Variants in MTUS2 observed in about 807,000 individuals in gnomAD.
MTUS2 encodes microtubule associated scaffold protein 2, also known as microtubule-associated tumor suppressor candidate 2.
MTUS2 carries 40 observed loss-of-function variants against 114.1 expected under a neutral mutation model. That is an observed-to-expected ratio of 0.35 (90% CI 0.27 to 0.46). The LOEUF (loss-of-function observed/expected upper bound fraction) is 0.46, where lower values mean the gene tolerates loss of function less well. MTUS2 is among the 20% of genes least tolerant of loss of function. MTUS2 has a pLI of 1.00. For missense variants in MTUS2, 1,679 were observed against 1,705.4 expected (o/e 0.98, Z 0.27); for synonymous variants, 688 against 672.0 (o/e 1.02, Z -0.37).
At position 28,840,898 on chromosome 13, in the gene MTUS2, G is replaced by C. The variant is rs1875431182; in HGVS notation, c.-243+1048G>C. Among the ~76,000 whole-genome samples, 3 of 152,176 alleles carry C rather than the reference G, an allele frequency of 2.0e-5. No individual in the cohort carries two copies. The South Asian group carries it at 6.2e-4, about 31-fold the overall frequency. On this transcript the variant is annotated intron_variant, in intron 2 of 15. Transcript: ENST00000612955. ...AAAAGGGTAGCCTGAGCTTTTTAGG[G>C]CTAAAACTGGGAAAGAAACACCTAA...
chr13:28,956,061 C>A (rs911188220), intron 2 of MTUS2, among the ~76,000 whole-genome samples: 1 of 148,042 alleles, frequency 6.8e-6, no homozygotes, highest in Non-Finnish European at 1.5e-5. Context: ...CTTGCCCCCC[C>A]CCATCCTTTC....
At chr13:28,885,825 C>A (rs1420854792) in intron 2 of MTUS2, among the ~76,000 whole-genome samples, 1 of 152,164 alleles carries the variant, frequency 6.6e-6, no homozygotes, top group Non-Finnish European at 1.5e-5. Context: ...CAAAACAGAT[C>A]AAAATCAAGG....
chr13:29,363,782 G>C (rs1367035588), intron 8 of MTUS2, among the ~76,000 whole-genome samples: 1 of 152,118 alleles, frequency 6.6e-6, no homozygotes, highest in African/African-American at 2.4e-5. Flanking sequence ...ATATGGGGTG[G>C]GTAGGTAGGG....
At chr13:28,835,882 G>A (rs918871129) in intron 1 of MTUS2, among the ~76,000 whole-genome samples, 5 of 152,136 alleles carry the variant, frequency 3.3e-5, no homozygotes, top group African/African-American at 1.2e-4. Context: ...TATTCTGTGA[G>A]CTTTTCGTGT....
At chr13:29,428,702 A>G in intron 8 of MTUS2, 2 of 1,457,192 alleles carry the variant, frequency 1.4e-6, no homozygotes, top group Middle Eastern at 1.9e-4. Flanking sequence ...TTTAGGAGAA[A>G]TAAGGTAGCC....
At chr13:29,444,292 G>C (rs1878116032) in intron 9 of MTUS2, among the ~76,000 whole-genome samples, 2 of 152,184 alleles carry the variant, frequency 1.3e-5, no homozygotes, top group Admixed American at 6.5e-5. Context: ...AGCTAGGTGT[G>C]GTGGTGGGTG....
intron 8 of MTUS2, among the ~76,000 whole-genome samples, chr13:29,382,486 G>C (rs1748439760): frequency 6.6e-6 from 1 of 152,280 alleles, no homozygotes; most frequent in Non-Finnish European, 1.5e-5. Flanking sequence ...AGGGAGTAGA[G>C]AAAAGGTAGC....
intron 2 of MTUS2, among the ~76,000 whole-genome samples, chr13:28,870,822 C>T (rs2138099924): frequency 6.6e-6 from 1 of 152,262 alleles, no homozygotes; most frequent in South Asian, 2.1e-4. Context: ...CTTCCTCCTC[C>T]CCATGAATGA....
intron 8 of MTUS2, among the ~76,000 whole-genome samples, chr13:29,434,699 A>G (rs1877280602): frequency 6.6e-6 from 1 of 152,210 alleles, no homozygotes; most frequent in Non-Finnish European, 1.5e-5. Context: ...TTCACTTCCC[A>G]TTACCACCAG....
intron 6 of MTUS2, among the ~76,000 whole-genome samples, chr13:29,319,429 C>A (rs2139666194): frequency 6.6e-6 from 1 of 152,330 alleles, no homozygotes; most frequent in Non-Finnish European, 1.5e-5. Context: ...CACATGGGAA[C>A]AAAGATGATC....
chr13:29,034,269 G>C, intron 4 of MTUS2, 144 bp downstream of exon 4: 1 of 1,111,826 alleles, frequency 9.0e-7, no homozygotes, highest in East Asian at 2.5e-5. Flanking sequence ...TGTAGATGCA[G>C]ACATTTGTGA....
chr13:28,896,075 T>C (rs1295278319), intron 2 of MTUS2, among the ~76,000 whole-genome samples: 1 of 152,194 alleles, frequency 6.6e-6, no homozygotes, highest in East Asian at 1.9e-4. Context: ...CAGCATGTGA[T>C]TGATTATTGG....
At chr13:29,475,906 T>C (rs1262830786) in intron 9 of MTUS2, among the ~76,000 whole-genome samples, 1 of 152,214 alleles carries the variant, frequency 6.6e-6, no homozygotes, top group African/African-American at 2.4e-5. Flanking sequence ...ATGGTGTTTC[T>C]AAAGTCTATA....
chr13:29,444,520 G>T (rs1400549143), intron 9 of MTUS2, among the ~76,000 whole-genome samples: 1 of 152,260 alleles, frequency 6.6e-6, no homozygotes, highest in Non-Finnish European at 1.5e-5. Context: ...AGACTCACCT[G>T]CAGTGCTGCC....
At chr13:28,839,481 C>T (rs1234229538) in intron 1 of MTUS2, among the ~76,000 whole-genome samples, 1 of 152,092 alleles carries the variant, frequency 6.6e-6, no homozygotes, top group Non-Finnish European at 1.5e-5. Flanking sequence ...GTTTTCAGAT[C>T]ATTAACTACT....
chr13:29,030,779 C>A (rs979439264), intron 3 of MTUS2, among the ~76,000 whole-genome samples: 2 of 152,134 alleles, frequency 1.3e-5, no homozygotes, highest in Non-Finnish European at 2.9e-5. Flanking sequence ...CTCAAACCAG[C>A]TTCAGACTCT....
chr13:29,391,139 G>C (rs1243247818), intron 8 of MTUS2, among the ~76,000 whole-genome samples: 1 of 152,082 alleles, frequency 6.6e-6, no homozygotes, highest in African/African-American at 2.4e-5. Flanking sequence ...ACCCAGGCCA[G>C]AGTGCAGTGG....
intron 5 of MTUS2, among the ~76,000 whole-genome samples, chr13:29,280,647 T>C (rs1898231605): frequency 6.6e-6 from 1 of 152,224 alleles, no homozygotes; most frequent in Admixed American, 6.5e-5. Context: ...TTTAATCCTT[T>C]ACTAAAATAT....
At chr13:29,424,956 A>G (rs1050204695) in intron 8 of MTUS2, among the ~76,000 whole-genome samples, 6 of 152,098 alleles carry the variant, frequency 3.9e-5, no homozygotes, top group African/African-American at 1.4e-4. Flanking sequence ...TTTTTTTTTT[A>G]GAAACCAGCA....
Sources: allele counts gnomAD v4.1 joint callset (sites outside exome capture counted in the v4.1 genomes callset), GRCh38; gene constraint gnomAD v4.1.1; transcripts MANE v1.5; gene names NCBI Gene and HGNC (gene_info 2026-07-23, HGNC 2026-07-21).